The following HS3ST4 variants were observed in gnomAD, a reference collection of about 807,000 sequenced individuals.
The protein encoded by HS3ST4 is heparan sulfate-glucosamine 3-sulfotransferase 4.
A neutral mutation model predicts 29.2 loss-of-function variants in HS3ST4; 17 were observed. The observed-to-expected ratio is 0.58, with a 90% confidence interval of 0.40 to 0.87. The LOEUF is 0.87. Among genes scored for constraint, HS3ST4 ranks in the 40% least tolerant of loss-of-function variants. The pLI, the probability that HS3ST4 is intolerant of heterozygous loss-of-function variation, is 0.00. For missense variants in HS3ST4, 627 were observed against 634.5 expected, an observed-to-expected ratio of 0.99 and a Z score of 0.13; for synonymous variants, 314 against 285.7, an observed-to-expected ratio of 1.10 and a Z score of -1.00.
At chr16:25,810,236 G>A (rs1040495369) in intron 1 of HS3ST4, among the ~76,000 whole-genome samples, 9 of 151,804 alleles carry the variant, frequency 5.9e-5, no homozygotes, top group African/African-American at 2.2e-4. Flanking sequence ...TTAGAAGTGT[G>A]GTGTTTAATT....
At chr16:26,125,800 A>G (rs1304218663) in intron 1 of HS3ST4, among the ~76,000 whole-genome samples, 1 of 152,112 alleles carries the variant, frequency 6.6e-6, no homozygotes, top group Non-Finnish European at 1.5e-5. Flanking sequence ...ACTCACAGGC[A>G]TCCTCAGTTT....
At chr16:25,974,236 A>C (rs1968922556) in intron 1 of HS3ST4, among the ~76,000 whole-genome samples, 1 of 152,020 alleles carries the variant, frequency 6.6e-6, no homozygotes. Context: ...GCCATTTGTA[A>C]CTCTTTTATC....
intron 1 of HS3ST4, among the ~76,000 whole-genome samples, chr16:25,722,921 T>C (rs984122194): frequency 6.6e-6 from 1 of 152,146 alleles, no homozygotes; most frequent in Non-Finnish European, 1.5e-5. Context: ...AAAAAGAGGT[T>C]TAATGGACTC....
chr16:25,767,614 C>T lies in HS3ST4; in HGVS notation c.734+74463C>T, dbSNP rs117134167. Among the ~76,000 whole-genome samples the T allele has an allele frequency of 8.2e-3, 1,256 of 152,282 alleles. 20 individuals are homozygous for T. Among genetic ancestry groups the T allele is most frequent in the Non-Finnish European group, 8.1e-3 (548 of 68,026 alleles). On this transcript the variant is annotated intron_variant, in intron 1 of 1. Transcript: ENST00000331351. ...CTCACAGTGTGGGCCAAGCCAAACA[C>T]AGGTACAGGCCATTTTGGACCAGAG...
At chr16:25,876,835 G>A (rs1330602655) in intron 1 of HS3ST4, among the ~76,000 whole-genome samples, 4 of 152,044 alleles carry the variant, frequency 2.6e-5, no homozygotes, top group African/African-American at 9.7e-5. Context: ...TCCTCTCCAA[G>A]CTGAGCTAAT....
chr16:26,077,961 G>C (rs904491498), intron 1 of HS3ST4, among the ~76,000 whole-genome samples: 1 of 152,132 alleles, frequency 6.6e-6, no homozygotes, highest in African/African-American at 2.4e-5. Context: ...TGTAGTCCTA[G>C]CTCCTAATGT....
chr16:25,798,891 G>A (rs1253458337), intron 1 of HS3ST4, among the ~76,000 whole-genome samples: 1 of 152,138 alleles, frequency 6.6e-6, no homozygotes, highest in African/African-American at 2.4e-5. Context: ...CCAGCCATGA[G>A]TTTGTCCTTC....
At chr16:25,734,742 G>A (rs1173251417) in intron 1 of HS3ST4, among the ~76,000 whole-genome samples, 3 of 152,142 alleles carry the variant, frequency 2.0e-5, no homozygotes, top group African/African-American at 7.2e-5. Flanking sequence ...GTGCCCCTTT[G>A]TGTGACACAG....
chr16:26,078,313 T>C (rs1449686395), intron 1 of HS3ST4, among the ~76,000 whole-genome samples: 1 of 152,014 alleles, frequency 6.6e-6, no homozygotes, highest in Non-Finnish European at 1.5e-5. Context: ...GATAGTTTTT[T>C]TGTGTGTGTA....
chr16:25,768,870 TCCCACTCAG>T (rs1966837527), intron 1 of HS3ST4, among the ~76,000 whole-genome samples: 1 of 152,110 alleles, frequency 6.6e-6, no homozygotes, highest in African/African-American at 2.4e-5. Flanking sequence ...CAGCATTGGA[TCCCACTCAG>T]CTGCATTGCA....
intron 1 of HS3ST4, among the ~76,000 whole-genome samples, chr16:25,753,181 G>A (rs755220384): frequency 2.6e-5 from 4 of 152,204 alleles, no homozygotes; most frequent in Non-Finnish European, 5.9e-5. Context: ...AGGTATGGAT[G>A]ACACCCTTTC....
chr16:25,727,557 T>A (rs1966545122), intron 1 of HS3ST4, among the ~76,000 whole-genome samples: 1 of 152,238 alleles, frequency 6.6e-6, no homozygotes, highest in Non-Finnish European at 1.5e-5. Flanking sequence ...GTGTGTTGTT[T>A]CTGGTTGAGG....
intron 1 of HS3ST4, among the ~76,000 whole-genome samples, chr16:26,084,332 T>C (rs564292399): frequency 6.6e-6 from 1 of 152,230 alleles, no homozygotes; most frequent in Non-Finnish European, 1.5e-5. Context: ...ATGGAGACTT[T>C]AGGGGATTTC....
intron 1 of HS3ST4, among the ~76,000 whole-genome samples, chr16:25,801,696 C>T (rs1435100992): frequency 2.0e-5 from 3 of 152,080 alleles, no homozygotes; most frequent in East Asian, 1.9e-4. Flanking sequence ...TCGCCCTTAA[C>T]GTTTTTCTTT....
chr16:25,808,904 G>A (rs2141627459), intron 1 of HS3ST4, among the ~76,000 whole-genome samples: 1 of 152,196 alleles, frequency 6.6e-6, no homozygotes. Flanking sequence ...GTTTCTACAT[G>A]CCCATTGTTA....
intron 1 of HS3ST4, among the ~76,000 whole-genome samples, chr16:25,720,437 CAA>C (rs562434708): frequency 2.8e-4 from 42 of 152,184 alleles, no homozygotes; most frequent in Admixed American, 1.4e-3. Context: ...TATAGGGAGA[CAA>C]GAGAGAATGC....
intron 1 of HS3ST4, among the ~76,000 whole-genome samples, chr16:25,739,473 T>C (rs12935081): frequency 0.55 from 83,053 of 152,060 alleles, 23,285 homozygotes; most frequent in Non-Finnish European, 0.62. Context: ...CTGCCTACTT[T>C]TGCTGTCTCC....
intron 1 of HS3ST4, among the ~76,000 whole-genome samples, chr16:25,822,878 C>T (rs1031452189): frequency 6.6e-6 from 1 of 152,090 alleles, no homozygotes; most frequent in Non-Finnish European, 1.5e-5. Context: ...GCTGGGACTA[C>T]AGGCGTGCAC....
At chr16:25,940,134 G>A (rs976657316) in intron 1 of HS3ST4, among the ~76,000 whole-genome samples, 1 of 151,996 alleles carries the variant, frequency 6.6e-6, no homozygotes, top group African/African-American at 2.4e-5. Context: ...ACTGCTCTTT[G>A]GAAATTGCCA....
Sources: gnomAD v4.1 joint callset for allele counts (sites outside exome capture counted in the v4.1 genomes callset) on GRCh38, gnomAD v4.1.1 for gene constraint, MANE v1.5 for transcripts, NCBI Gene and HGNC (gene_info 2026-07-23, HGNC 2026-07-21) for gene names.